The following TRERF1 variants were observed in gnomAD, a reference collection of about 807,000 sequenced individuals.
TRERF1 encodes transcriptional-regulating factor 1.
TRERF1 carries 27 observed loss-of-function variants against 122.9 expected under a neutral mutation model. That is an observed-to-expected ratio of 0.22 (90% CI 0.16 to 0.30). TRERF1 has a LOEUF of 0.30. Among genes scored for constraint, TRERF1 ranks in the 10% least tolerant of loss-of-function variants. TRERF1 has a pLI of 1.00. For synonymous variants in TRERF1, 636 were observed against 641.7 expected, an observed-to-expected ratio of 0.99 and a Z score of 0.13; for missense variants, 1,248 against 1,560.3, an observed-to-expected ratio of 0.80 and a Z score of 3.37.
chr6:42,358,783 CTTTT>C (rs397886998), intron 3 of TRERF1, among the ~76,000 whole-genome samples: 1 of 125,150 alleles, frequency 8.0e-6, no homozygotes, highest in South Asian at 2.5e-4. Flanking sequence ...TGACCTAAAG[CTTTT>C]TTTTTTTTTT....
At chr6:42,244,886 T>A (rs1774471390) in intron 14 of TRERF1, among the ~76,000 whole-genome samples, 1 of 152,248 alleles carries the variant, frequency 6.6e-6, no homozygotes, top group Non-Finnish European at 1.5e-5. Flanking sequence ...TCATATGCTG[T>A]ATGATCAGGT....
At chr6:42,336,746 G>C (rs560927108) in intron 3 of TRERF1, among the ~76,000 whole-genome samples, 2 of 152,288 alleles carry the variant, frequency 1.3e-5, no homozygotes, top group African/African-American at 4.8e-5. Context: ...CCCGGGACTG[G>C]AGAGTCAGCA....
intron 3 of TRERF1, among the ~76,000 whole-genome samples, chr6:42,351,977 G>A (rs1769531739): frequency 6.6e-6 from 1 of 152,100 alleles, no homozygotes; most frequent in African/African-American, 2.4e-5. Context: ...ACTCTATTGT[G>A]TTAAGCCATA....
At chr6:42,256,412 A>G (rs1257102525) in intron 12 of TRERF1, among the ~76,000 whole-genome samples, 1 of 152,164 alleles carries the variant, frequency 6.6e-6, no homozygotes, top group Non-Finnish European at 1.5e-5. Context: ...AAAGCCTTCT[A>G]CCTCCATCAC....
At chr6:42,239,839 T>C (rs1288798953) in intron 15 of TRERF1, among the ~76,000 whole-genome samples, 1 of 152,050 alleles carries the variant, frequency 6.6e-6, no homozygotes, top group Non-Finnish European at 1.5e-5. Context: ...GCTGCCATAT[T>C]GGCCTTTAAT....
intron 3 of TRERF1, among the ~76,000 whole-genome samples, chr6:42,343,914 C>T (rs1581698558): frequency 1.3e-5 from 2 of 152,214 alleles, no homozygotes; most frequent in Admixed American, 6.5e-5. Flanking sequence ...CATAACTGAC[C>T]GCGTGGGGAG....
At chr6:42,247,006 C>A (rs1014881955) in intron 13 of TRERF1, among the ~76,000 whole-genome samples, 1 of 152,214 alleles carries the variant, frequency 6.6e-6, no homozygotes, top group South Asian at 2.1e-4. Context: ...TCAAGATGCT[C>A]ACAGTCTACT....
chr6:42,447,890 G>A (rs1289577992), intron 2 of TRERF1, among the ~76,000 whole-genome samples: 1 of 152,194 alleles, frequency 6.6e-6, no homozygotes, highest in East Asian at 1.9e-4. Context: ...TTTTTGTAGA[G>A]ACGGGGTTTC....
chr6:42,383,632 C>A (rs1776323508), intron 2 of TRERF1, among the ~76,000 whole-genome samples: 1 of 152,074 alleles, frequency 6.6e-6, no homozygotes, highest in South Asian at 2.1e-4. Context: ...ATGGCCACAC[C>A]CAAGAAAATG....
intron 3 of TRERF1, among the ~76,000 whole-genome samples, chr6:42,350,764 AC>A (rs1187547905): frequency 1.3e-5 from 2 of 152,210 alleles, no homozygotes; most frequent in Non-Finnish European, 2.9e-5. Flanking sequence ...TGGGTATAAT[AC>A]CACACATCGG....
At chr6:42,405,794 CAA>C (rs34821967) in intron 2 of TRERF1, among the ~76,000 whole-genome samples, 3 of 108,310 alleles carry the variant, frequency 2.8e-5, no homozygotes, top group Non-Finnish European at 4.0e-5. Flanking sequence ...GACCTTGTCT[CAA>C]AAAAAAAAAA....
At chr6:42,266,178 TGATG>T (rs573770624) in intron 5 of TRERF1, among the ~76,000 whole-genome samples, 1 of 147,504 alleles carries the variant, frequency 6.8e-6, no homozygotes, top group South Asian at 2.1e-4. Flanking sequence ...GGAGACCCCC[TGATG>T]GAATTCTTTT....
At chr6:42,336,611 C>G (rs1400002526) in intron 3 of TRERF1, among the ~76,000 whole-genome samples, 1 of 152,198 alleles carries the variant, frequency 6.6e-6, no homozygotes, top group African/African-American at 2.4e-5. Flanking sequence ...TCTTTCCCCA[C>G]TCTAAGCCCT....
At chr6:42,404,953 C>A (rs1334307952) in intron 2 of TRERF1, among the ~76,000 whole-genome samples, 3 of 152,078 alleles carry the variant, frequency 2.0e-5, no homozygotes, top group African/African-American at 4.8e-5. Flanking sequence ...AGCTAATATA[C>A]CCACCCCCAG....
Position 42,228,702 on chromosome 6 carries a change from TAGA to T in TRERF1, c.3279-36_3279-34del. On this transcript the variant is annotated intron_variant, in intron 17 of 17. Coordinates refer to ENST00000372922, the Ensembl canonical transcript of TRERF1. The surrounding 1 kb of genome is among the most constrained non-coding windows in gnomAD (Gnocchi z 4.2). ...TAAAGAAAGAGAGGTGTGTAGAATT[TAGA>T]AGGAGATCTGAGTTCTTGGAAATCC... The T allele has an allele frequency of 1.3e-6, 2 of 1,545,798 alleles. No individual in the cohort carries two copies. The highest frequency in any genetic ancestry group is 1.7e-4 in the Middle Eastern group (1 of 5,718).
intron 5 of TRERF1, among the ~76,000 whole-genome samples, chr6:42,267,835 C>G (rs1381745229): frequency 1.3e-5 from 2 of 152,190 alleles, no homozygotes; most frequent in African/African-American, 4.8e-5. Context: ...TCCAAGGGAA[C>G]TGAGACACCA....
At chr6:42,343,313 T>C (rs1767646235) in intron 3 of TRERF1, among the ~76,000 whole-genome samples, 1 of 152,192 alleles carries the variant, frequency 6.6e-6, no homozygotes, top group Non-Finnish European at 1.5e-5. Flanking sequence ...CAAGAAACCA[T>C]ATTTAAAATG....
At chr6:42,374,034 G>A (rs1371286394) in intron 2 of TRERF1, among the ~76,000 whole-genome samples, 3 of 151,728 alleles carry the variant, frequency 2.0e-5, no homozygotes, top group Middle Eastern at 3.4e-3. Context: ...TCAGGAGGCT[G>A]AGGCAGGAGA....
intron 13 of TRERF1, among the ~76,000 whole-genome samples, chr6:42,251,909 C>G (rs1775892325): frequency 1.3e-5 from 2 of 152,194 alleles, no homozygotes; most frequent in Admixed American, 6.5e-5. Context: ...CAGGAATGAC[C>G]AGTTCAATGA....
Sources: gnomAD v4.1 joint callset for allele counts (sites outside exome capture counted in the v4.1 genomes callset) on GRCh38, gnomAD v4.1.1 for gene constraint, Gnocchi (gnomAD v3.1) non-coding constraint, MANE v1.5 for transcripts, NCBI Gene and HGNC (gene_info 2026-07-23, HGNC 2026-07-21) for gene names.